Variants in GRID2 observed in about 807,000 individuals in gnomAD.
GRID2 encodes glutamate receptor ionotropic, delta-2.
A neutral mutation model predicts 114.8 loss-of-function variants in GRID2; 33 were observed. That is an observed-to-expected ratio of 0.29 (90% confidence interval 0.22 to 0.38). The LOEUF is 0.38. Ranked by LOEUF, GRID2 falls within the 10% of genes least tolerant of loss-of-function variation. The pLI, the probability that GRID2 is intolerant of heterozygous loss-of-function variation, is 1.00. For synonymous variants in GRID2, 505 were observed against 449.9 expected (o/e 1.12, Z -1.55); for missense variants, 1,184 against 1,257.7 (o/e 0.94, Z 0.89).
chr4:92,937,831 A>G (rs1750781471), intron 2 of GRID2, among the ~76,000 whole-genome samples: 1 of 146,406 alleles, frequency 6.8e-6, no homozygotes, highest in Non-Finnish European at 1.5e-5. Flanking sequence ...TAATTCTTCC[A>G]GTGTAGTTTA....
intron 1 of GRID2, among the ~76,000 whole-genome samples, chr4:92,502,705 CTTTTTTTT>C (rs70940901): frequency 0.1 from 6,417 of 64,150 alleles, 174 homozygotes; most frequent in African/African-American, 0.17. Context: ...CATGTGATTT[CTTTTTTTT>C]TTTTTTTTTT....
chr4:93,543,992 C>T (rs1368169435), intron 13 of GRID2, among the ~76,000 whole-genome samples: 2 of 152,108 alleles, frequency 1.3e-5, no homozygotes, highest in African/African-American at 4.8e-5. Flanking sequence ...CTATTGACTC[C>T]TGAATATTTG....
At chr4:93,004,896 G>A (rs538045015) in intron 2 of GRID2, among the ~76,000 whole-genome samples, 44 of 152,016 alleles carry the variant, frequency 2.9e-4, no homozygotes, top group African/African-American at 1.0e-3. Context: ...TTTTCACTTT[G>A]CTTCCCATTT....
chr4:93,170,696 C>T (rs1271155779), intron 4 of GRID2, among the ~76,000 whole-genome samples: 1 of 152,136 alleles, frequency 6.6e-6, no homozygotes. Context: ...CTGATTGGCG[C>T]AGCTTTGGGT....
intron 2 of GRID2, among the ~76,000 whole-genome samples, chr4:92,879,882 G>A (rs1745884264): frequency 6.6e-6 from 1 of 152,170 alleles, no homozygotes; most frequent in Admixed American, 6.5e-5. Flanking sequence ...AAGAGCTTTT[G>A]AATCTCATAG....
intron 14 of GRID2, among the ~76,000 whole-genome samples, chr4:93,749,775 T>C (rs766232896): frequency 1.3e-5 from 2 of 152,218 alleles, no homozygotes; most frequent in Non-Finnish European, 2.9e-5. Context: ...ACAATGCTTT[T>C]TGCTCTCCAT....
rs1271347019 is a variant in GRID2 at position 93,235,044 on chromosome 4, A to T, written c.1126-3327A>T. Among the ~76,000 whole-genome samples the T allele has an allele frequency of 4.0e-5, 6 of 150,420 alleles. No homozygotes were observed. The Admixed American group carries it at 4.0e-4, about 10-fold the overall frequency. ...AACAGAATGACATAAAGTCTCAGTA[A>T]TTTTTTTTTTACTTTTTCCCCAACT... On this transcript the variant is annotated intron_variant, in intron 7 of 15. Transcript: ENST00000282020.
intron 1 of GRID2, among the ~76,000 whole-genome samples, chr4:92,412,117 CTGTGTGTGTG>C (rs60674952): frequency 7.0e-6 from 1 of 143,428 alleles, no homozygotes; most frequent in African/African-American, 2.5e-5. Context: ...TTTTTTGTGC[CTGTGTGTGTG>C]TGTGTGTGTG....
At chr4:93,116,483 G>C (rs1053255162) in intron 4 of GRID2, among the ~76,000 whole-genome samples, 6 of 152,066 alleles carry the variant, frequency 3.9e-5, no homozygotes, top group Non-Finnish European at 8.8e-5. Context: ...TTTCTTGTTT[G>C]AATTATTACT....
chr4:92,723,499 C>A (rs1164828745), intron 2 of GRID2, among the ~76,000 whole-genome samples: 1 of 152,094 alleles, frequency 6.6e-6, no homozygotes, highest in Admixed American at 6.6e-5. Context: ...ATCTATCTTG[C>A]CTACAGCTCA....
chr4:93,678,495 C>A (rs59170401), intron 14 of GRID2, among the ~76,000 whole-genome samples: 4,288 of 151,856 alleles, frequency 0.028, 210 homozygotes, highest in African/African-American at 0.097. Flanking sequence ...CAAAGTTGAA[C>A]TGAAGGAAAA....
intron 4 of GRID2, among the ~76,000 whole-genome samples, chr4:93,195,092 G>A (rs1377453719): frequency 3.9e-5 from 6 of 152,106 alleles, no homozygotes; most frequent in Non-Finnish European, 8.8e-5. Flanking sequence ...TAGTTGGAAC[G>A]TATGTTCTAC....
At chr4:92,858,967 A>G (rs886184305) in intron 2 of GRID2, among the ~76,000 whole-genome samples, 5 of 152,254 alleles carry the variant, frequency 3.3e-5, no homozygotes, top group Admixed American at 3.3e-4. Context: ...AAGGATTTCA[A>G]ATATTGCATA....
At chr4:93,717,513 A>C (rs966679833) in intron 14 of GRID2, among the ~76,000 whole-genome samples, 2 of 152,170 alleles carry the variant, frequency 1.3e-5, no homozygotes, top group Non-Finnish European at 2.9e-5. Context: ...AGCACTGCTA[A>C]CTATCTTTTA....
intron 1 of GRID2, among the ~76,000 whole-genome samples, chr4:92,561,886 T>C (rs553254275): frequency 4.5e-4 from 69 of 152,328 alleles, no homozygotes; most frequent in Middle Eastern, 6.8e-3. Context: ...TGCTAATGCA[T>C]GTCAGAAGAT....
chr4:93,542,657 G>A (rs557219556), intron 13 of GRID2, among the ~76,000 whole-genome samples: 1 of 152,208 alleles, frequency 6.6e-6, no homozygotes, highest in South Asian at 2.1e-4. Flanking sequence ...AAAGTGTGAG[G>A]AGGGCTGGAA....
intron 13 of GRID2, among the ~76,000 whole-genome samples, chr4:93,521,841 A>G (rs142491932): frequency 7.6e-4 from 116 of 152,292 alleles, no homozygotes; most frequent in African/African-American, 2.7e-3. Flanking sequence ...TAACTGTAGT[A>G]AAACTACAAG....
chr4:93,035,517 G>T (rs924930959), intron 2 of GRID2, among the ~76,000 whole-genome samples: 3 of 152,098 alleles, frequency 2.0e-5, no homozygotes, highest in Non-Finnish European at 4.4e-5. Context: ...CATTGTTTCT[G>T]TGGGTCGCCT....
In GRID2 at chr4:92,906,953, C is replaced by T. The variant is rs1487158943; in HGVS notation, c.245-178042C>T. On this transcript the variant is annotated intron_variant, in intron 2 of 15. Transcript: ENST00000282020. ...GCAGAATATGAGGCCCCACACCAGA[C>T]GTACTCAACGAGAATCAACATCTTA... 3.9e-5 allele frequency among the ~76,000 whole-genome samples: 6 copies of T among 152,180 alleles called. No individual in the cohort carries two copies. The East Asian group carries it at 5.8e-4, about 15-fold the overall frequency.
Sources: allele counts gnomAD v4.1 joint callset (sites outside exome capture counted in the v4.1 genomes callset), GRCh38; gene constraint gnomAD v4.1.1; transcripts MANE v1.5; gene names NCBI Gene and HGNC (gene_info 2026-07-23, HGNC 2026-07-21).